Variants in KCNN2 observed in about 807,000 individuals in gnomAD.
KCNN2 encodes small conductance calcium-activated potassium channel protein 2.
In KCNN2, 24 loss-of-function variants were observed where a neutral mutation model predicts 55.5. The observed-to-expected ratio is 0.43, with a 90% confidence interval of 0.31 to 0.61. KCNN2 has a LOEUF of 0.61. Among genes scored for constraint, KCNN2 ranks in the 20% least tolerant of loss-of-function variants. The pLI is 0.08. For missense variants in KCNN2, 754 were observed against 853.6 expected, an observed-to-expected ratio of 0.88 and a Z score of 1.45; for synonymous variants, 431 against 336.1, an observed-to-expected ratio of 1.28 and a Z score of -3.09.
intron 3 of KCNN2, among the ~76,000 whole-genome samples, chr5:114,450,885 T>C (rs1348858563): frequency 6.6e-6 from 1 of 152,266 alleles, no homozygotes; most frequent in South Asian, 2.1e-4. Flanking sequence ...AAAACCTGTT[T>C]ATAATTTTCT....
chr5:114,459,828 A>G (rs1409471350), intron 3 of KCNN2, among the ~76,000 whole-genome samples: 1 of 152,230 alleles, frequency 6.6e-6, no homozygotes, highest in African/African-American at 2.4e-5. Context: ...TCTCTGATGC[A>G]ATGTAATGCG....
chr5:114,197,819 C>G (rs554074834), intron 1 of KCNN2, among the ~76,000 whole-genome samples: 1 of 152,246 alleles, frequency 6.6e-6, no homozygotes, highest in African/African-American at 2.4e-5. Flanking sequence ...TTCCCAGGAA[C>G]TGGGAAGTGG....
chr5:114,341,907 T>G (rs1326880882), intron 2 of KCNN2, among the ~76,000 whole-genome samples: 1 of 151,198 alleles, frequency 6.6e-6, no homozygotes, highest in Non-Finnish European at 1.5e-5. Flanking sequence ...ATAATGTGTT[T>G]TTTTTTTTTT....
chr5:114,058,479 ATAAC>A (rs1352698747), intron 1 of KCNN2, among the ~76,000 whole-genome samples: 1 of 152,198 alleles, frequency 6.6e-6, no homozygotes, highest in African/African-American at 2.4e-5. Context: ...TAACGAGTAA[ATAAC>A]AAAGTATGAC....
chr5:114,449,908 A>ACACACACACACACACACACACGCG (rs1309590184), intron 3 of KCNN2, among the ~76,000 whole-genome samples: 1 of 66,120 alleles, frequency 1.5e-5, no homozygotes, highest in African/African-American at 3.5e-5. Context: ...ACACACACAC[A>ACACACACACACACACACACACGCG]CGCGCGCGCT....
intron 2 of KCNN2, among the ~76,000 whole-genome samples, chr5:114,381,204 G>A (rs1013117623): frequency 1.3e-5 from 2 of 152,116 alleles, no homozygotes; most frequent in African/African-American, 4.8e-5. Context: ...CTGCCATAAT[G>A]TTCTGTATCA....
intron 2 of KCNN2, among the ~76,000 whole-genome samples, chr5:114,318,062 GT>G (rs1756535777): frequency 6.6e-6 from 1 of 152,070 alleles, no homozygotes; most frequent in South Asian, 2.1e-4. Flanking sequence ...GTGTTTTTTT[GT>G]TCCATCTCTG....
At chr5:114,081,204 T>A (rs1283249977) in intron 1 of KCNN2, among the ~76,000 whole-genome samples, 1 of 152,186 alleles carries the variant, frequency 6.6e-6, no homozygotes, top group African/African-American at 2.4e-5. Flanking sequence ...AATATTAAGA[T>A]GTCAGGTCTA....
intron 1 of KCNN2, among the ~76,000 whole-genome samples, chr5:114,136,483 G>T (rs572386174): frequency 6.6e-6 from 1 of 152,122 alleles, no homozygotes; most frequent in Non-Finnish European, 1.5e-5. Flanking sequence ...TTCTAAATAG[G>T]ATTATTTAAT....
At chr5:114,359,214 G>C (rs1313987625), upstream of KCNN2, among the ~76,000 whole-genome samples, 2 of 152,134 alleles carry the variant, frequency 1.3e-5, no homozygotes, top group African/African-American at 4.8e-5. Context: ...GCCGGAAGTA[G>C]TATTAGTCTG....
chr5:114,453,495 T>G (rs978536943), intron 3 of KCNN2, among the ~76,000 whole-genome samples: 4 of 152,242 alleles, frequency 2.6e-5, no homozygotes, highest in Admixed American at 2.6e-4. Flanking sequence ...GGTCATTTCT[T>G]ATTTCGTATA....
At chr5:114,065,243 C>G (rs1027830935) in intron 1 of KCNN2, among the ~76,000 whole-genome samples, 1 of 152,188 alleles carries the variant, frequency 6.6e-6, no homozygotes, top group Admixed American at 6.5e-5. Context: ...TTCTAGCTCT[C>G]TCCTGTTTCA....
intron 2 of KCNN2, among the ~76,000 whole-genome samples, chr5:114,232,847 C>T (rs1754388834): frequency 6.7e-6 from 1 of 148,900 alleles, no homozygotes; most frequent in African/African-American, 2.5e-5. Flanking sequence ...TGGTGCTGAT[C>T]ATGGAAGCAG....
chr5:114,263,667 A>G (rs775715834), intron 2 of KCNN2, among the ~76,000 whole-genome samples: 1 of 152,194 alleles, frequency 6.6e-6, no homozygotes, highest in African/African-American at 2.4e-5. Flanking sequence ...TTTATAAAAT[A>G]TAGAAAATTT....
chr5:114,121,511 C>T (rs774221974), intron 1 of KCNN2, among the ~76,000 whole-genome samples: 33 of 152,278 alleles, frequency 2.2e-4, no homozygotes, highest in Middle Eastern at 3.4e-3. Flanking sequence ...GTTGTGACTG[C>T]AGGTTCATCT....
intron 1 of KCNN2, among the ~76,000 whole-genome samples, chr5:114,121,195 C>T (rs1425254312): frequency 2.0e-5 from 3 of 152,190 alleles, no homozygotes; most frequent in African/African-American, 7.2e-5. Flanking sequence ...ATCCTGAGGA[C>T]CTGTGGAATT....
intron 5 of KCNN2, among the ~76,000 whole-genome samples, chr5:114,481,436 C>G (rs1025383208): frequency 2.0e-5 from 3 of 151,592 alleles, no homozygotes; most frequent in African/African-American, 7.3e-5. Flanking sequence ...TCATAGATAA[C>G]AATCAATATC....
chr5:114,417,813 A>G (rs947102837), intron 3 of KCNN2, among the ~76,000 whole-genome samples: 1 of 152,196 alleles, frequency 6.6e-6, no homozygotes, highest in Non-Finnish European at 1.5e-5. Context: ...TACCATGTAA[A>G]AATGGGGGTA....
rs765989880 is a variant in KCNN2, at chr5:114,487,600, G to T, written c.2018+423G>T. Among the ~76,000 whole-genome samples, 88 of 152,106 alleles carry T rather than the reference G, an allele frequency of 5.8e-4. 1 individual carries two copies. The highest frequency in any genetic ancestry group is 1.0e-3 in the Non-Finnish European group (68 of 67,998). On this transcript the variant is annotated intron_variant, in intron 6 of 7. Coordinates refer to ENST00000673685, the MANE Select transcript of KCNN2 (RefSeq NM_021614.4). ...TTAGTTTTTAATCAGAATTTTGGCTGTGTTCATTTTAAATTTTCCAGTTTG... is the reference window on the plus strand; with the variant it reads ...TTAGTTTTTAATCAGAATTTTGGCTTTGTTCATTTTAAATTTTCCAGTTTG...
Sources: gnomAD v4.1 joint callset for allele counts (sites outside exome capture counted in the v4.1 genomes callset) on GRCh38, gnomAD v4.1.1 for gene constraint, MANE v1.5 for transcripts, NCBI Gene and HGNC (gene_info 2026-07-23, HGNC 2026-07-21) for gene names.